SMIM29: variants seen among roughly 807,000 people sequenced by gnomAD.
SMIM29 encodes the protein uncharacterized protein C6orf1.
In SMIM29, 4 loss-of-function variants were observed where a neutral mutation model predicts 12.9. The ratio of observed to expected loss-of-function variants is 0.31; its 90% CI spans 0.15 to 0.71. SMIM29 has a LOEUF of 0.71. SMIM29 is among the 30% of genes least tolerant of loss of function. SMIM29 has a pLI of 0.70. For synonymous variants in SMIM29, 50 were observed against 52.0 expected (o/e 0.96, Z 0.17); for missense variants, 122 against 138.1 (o/e 0.88, Z 0.58).
intron 1 of SMIM29, 84 bp downstream of exon 1, chr6:34,248,895 C>A (rs1762908894): frequency 1.0e-6 from 1 of 985,510 alleles, no homozygotes; most frequent in East Asian, 1.1e-4. Flanking sequence ...GGCCGCCCCG[C>A]GCCCGAACAT....
rs1379910739 is a variant in SMIM29 at position 34,247,452 on chromosome 6, G to T, written c.137+15C>A. 1 of 1,576,312 alleles carries T rather than the reference G, an allele frequency of 6.3e-7. No homozygotes were observed. ...GGGTGTGGGGTTAGGGCGGGTGGGG[G>T]ACAGGGACACTCACCGCTTTTTCTT... On this transcript the variant is annotated intron_variant, in intron 3 of 4. Coordinates refer to ENST00000476320, the MANE Select transcript of SMIM29 (RefSeq NM_001008703.4).
At position 34,246,551 on chromosome 6, in the gene SMIM29, C is replaced by G; in HGVS notation, c.*252G>C. 1 of 1,578,762 alleles carries G rather than the reference C, an allele frequency of 6.3e-7. No individual in the cohort carries two copies. Among genetic ancestry groups the G allele is most frequent in the African/African-American group, 1.3e-5 (1 of 74,226 alleles). ...AAGGTGTCTACCAGCCGCCCCCATCCCAGAAGGAAAGCCTCTTCCCATGAG... is the reference window on the plus strand; with the variant it reads ...AAGGTGTCTACCAGCCGCCCCCATCGCAGAAGGAAAGCCTCTTCCCATGAG... On this transcript the variant is annotated 3_prime_UTR_variant, in exon 5 of 5. Coordinates refer to ENST00000476320, the MANE Select transcript of SMIM29 (RefSeq NM_001008703.4).
chr6:34,247,235 G>A (rs1226087968), intron 3 of SMIM29, 86 bp from the exon 4 acceptor site: 2 of 1,604,082 alleles, frequency 1.2e-6, no homozygotes, highest in Non-Finnish European at 1.7e-6. Context: ...CCTTTCCCAG[G>A]CAGGGGCAAT....
rs757362104 is a variant in SMIM29, at chr6:34,246,568, TC to T, written c.*234del. 3 of 1,600,224 alleles carry T rather than the reference TC, an allele frequency of 1.9e-6. No individual in the cohort carries two copies. The highest frequency in any genetic ancestry group is 2.6e-6 in the Non-Finnish European group (3 of 1,171,022). ...CCCCCATCCCAGAAGGAAAGCCTCTTCCCATGAGTGCCTGTGGGTGGGCGGT... is the reference window on the plus strand; with the variant it reads ...CCCCCATCCCAGAAGGAAAGCCTCTTCCATGAGTGCCTGTGGGTGGGCGGT... On this transcript the variant is annotated 3_prime_UTR_variant, in exon 5 of 5. Coordinates refer to ENST00000476320, the MANE Select transcript of SMIM29 (RefSeq NM_001008703.4).
chr6:34,246,992 CAG>C, intron 4 of SMIM29, 50 bp downstream of exon 4: 2 of 1,612,984 alleles, frequency 1.2e-6, no homozygotes, highest in South Asian at 2.2e-5. Context: ...TGGCTGGGAA[CAG>C]GGCTGACTCC....
rs2127551827 is a variant in SMIM29, at chr6:34,247,338, G to A, written c.137+129C>T. ...TCCCCAGTGAGTAACCTGAGGCTGG[G>A]GCAGGGAAAACAAATTTCAGGCTTG... On this transcript the variant is annotated intron_variant, in intron 3 of 4. Coordinates refer to ENST00000476320, the MANE Select transcript of SMIM29 (RefSeq NM_001008703.4). The A allele has an allele frequency of 2.0e-6, 3 of 1,527,526 alleles. No individual in the cohort carries two copies. In the East Asian group the frequency reaches 7.3e-5, roughly 37 times the overall value. The allele number at this position is 1,527,526 out of a possible 1,614,324, so 94.6% of individuals were successfully genotyped here.
rs1762756104 is a variant in SMIM29, at chr6:34,246,441, A to AT, written c.*361dup. The AT allele has an allele frequency of 6.9e-7, 1 of 1,459,580 alleles. No individual in the cohort carries two copies. Among genetic ancestry groups the AT allele is most frequent in the African/African-American group, 1.4e-5 (1 of 70,586 alleles). 90.4% of individuals were successfully genotyped at this position (1,459,580 alleles called of 1,614,324 possible). A position where few individuals can be genotyped will look rare whatever the true frequency, so the allele number is the denominator to read the frequency against. On this transcript the variant is annotated 3_prime_UTR_variant, in exon 5 of 5. Transcript: ENST00000476320. Reference sequence around the variant, plus strand: ...ACAAAATATATACTGAATACTATACATCTGGCCCCATCACCATGGAAACAA... The same window carrying AT: ...ACAAAATATATACTGAATACTATACATTCTGGCCCCATCACCATGGAAACAA...
Position 34,246,520 on chromosome 6 carries a change from A to G in SMIM29, c.*283T>C, listed in dbSNP as rs1211808086. 5.8e-6 allele frequency: 9 copies of G among 1,545,392 alleles called. No individual in the cohort carries two copies. The highest frequency in any genetic ancestry group is 2.7e-5 in the African/African-American group (2 of 72,994). On this transcript the variant is annotated 3_prime_UTR_variant, in exon 5 of 5. Coordinates refer to ENST00000476320, the MANE Select transcript of SMIM29 (RefSeq NM_001008703.4). ...CAAGCCCAGCCCAGGAGGGCTAGAG[A>G]AAGCAAAGGTGTCTACCAGCCGCCC...
Position 34,246,480 on chromosome 6 carries a change from C to T in SMIM29, c.*323G>A. The T allele has an allele frequency of 1.3e-6, 2 of 1,517,768 alleles. No homozygotes were observed. Among genetic ancestry groups the T allele is most frequent in the Non-Finnish European group, 1.8e-6 (2 of 1,134,470 alleles). The allele number at this position is 1,517,768 out of a possible 1,614,324, so 94.0% of individuals were successfully genotyped here. On this transcript the variant is annotated 3_prime_UTR_variant, in exon 5 of 5. Coordinates refer to ENST00000476320, the MANE Select transcript of SMIM29 (RefSeq NM_001008703.4). ...CCATGGAAACAACTCCAAAGCCTGC[C>T]TGGGGATTTGTGCCCAAGCCCAGCC...
chr6:34,247,991 G>C, intron 1 of SMIM29, 127 bp from the exon 2 acceptor site: 1 of 1,228,632 alleles, frequency 8.1e-7, no homozygotes. Context: ...GATCCTCCAG[G>C]TAGATGTACT....
intron 1 of SMIM29, chr6:34,248,086 C>G (rs1762876904): frequency 2.0e-6 from 2 of 985,344 alleles, no homozygotes; most frequent in African/African-American, 3.5e-5. Flanking sequence ...GAGTCTTGCC[C>G]AACTCCTATC....
Position 34,246,865 on chromosome 6 carries a change from C to A in SMIM29, c.247G>T (p.Val83Leu). 1 of 1,607,262 alleles carries A rather than the reference C, an allele frequency of 6.2e-7. No homozygotes were observed. Among genetic ancestry groups the A allele is most frequent in the Non-Finnish European group, 8.5e-7 (1 of 1,175,936 alleles). ...TGGTAGCCACTCTGCCAGCCATGTACCACCTGTCGGGGAGGAGACCACACC... is the reference window on the plus strand; with the variant it reads ...TGGTAGCCACTCTGCCAGCCATGTAACACCTGTCGGGGAGGAGACCACACC... ...LLSDMGDPKV[V>L]HGWQSGYQHK... The change falls in exon 5 of 5, where the codon GTA (valine) becomes TTA (leucine). Residue 83 changes from valine to leucine, a missense_variant. Physicochemically the swap from Val to Leu is conservative, Grantham distance 32. Transcript: ENST00000476320.
Position 34,247,467 on chromosome 6 carries a change from C to T in SMIM29, c.137G>A (p.Arg46Gln), listed in dbSNP as rs1762846886. The T allele has an allele frequency of 1.9e-6, 3 of 1,578,832 alleles. No individual in the cohort carries two copies. Among genetic ancestry groups the T allele is most frequent in the African/African-American group, 1.3e-5 (1 of 74,750 alleles). Residue 46 changes from arginine (R) to glutamine (Q), a missense_variant and splice_region_variant, in exon 3 of 5, where the codon CGG becomes CAG. Physicochemically the swap from Arg to Gln is conservative, Grantham distance 43. Transcript: ENST00000476320. ...GCGGGTGGGGGACAGGGACACTCAC[C>T]GCTTTTTCTTCTGTACATACATTAC... Reference protein sequence around the residue: ...AVVMYVQKKKRVDRLRHHLLP... With the variant: ...AVVMYVQKKKQVDRLRHHLLP...
At chr6:34,248,012 C>T in intron 1 of SMIM29, 148 bp from the exon 2 acceptor site, 1 of 1,223,292 alleles carries the variant, frequency 8.2e-7, no homozygotes, top group East Asian at 3.2e-5. Flanking sequence ...GGGTGTGACC[C>T]TCCAGTGAGT....
chr6:34,246,431 A>G lies in SMIM29; in HGVS notation c.*372T>C. 1.4e-6 allele frequency: 2 copies of G among 1,405,358 alleles called. No individual in the cohort carries two copies. Among genetic ancestry groups the G allele is most frequent in the South Asian group, 2.9e-5 (2 of 68,232 alleles). The allele number at this position is 1,405,358 out of a possible 1,614,324, so 87.1% of individuals were successfully genotyped here. Reference sequence around the variant, plus strand: ...CATTTTATTTACAAAATATATACTGAATACTATACATCTGGCCCCATCACC... The same window carrying G: ...CATTTTATTTACAAAATATATACTGGATACTATACATCTGGCCCCATCACC... On this transcript the variant is annotated 3_prime_UTR_variant, in exon 5 of 5. Coordinates refer to ENST00000476320, the MANE Select transcript of SMIM29 (RefSeq NM_001008703.4).
chr6:34,246,851 C>T lies in SMIM29; in HGVS notation c.261G>A (p.Gln87=). 6.2e-7 allele frequency: 1 copy of T among 1,610,082 alleles called. No individual in the cohort carries two copies. Among genetic ancestry groups the T allele is most frequent in the South Asian group, 1.1e-5 (1 of 90,982 alleles). Residue 87 remains glutamine (Q), a synonymous_variant, in exon 5 of 5, where the codon CAG becomes CAA. Transcript: ENST00000476320. The part of the protein sequence containing the change: ...MGDPKVVHGW[Q]SGYQHKRMPL... ...GCATCCGCTTGTGCTGGTAGCCACT[C>T]TGCCAGCCATGTACCACCTGTCGGG...
intron 1 of SMIM29, chr6:34,248,412 C>T (rs1352098381): frequency 3.0e-6 from 3 of 985,336 alleles, no homozygotes; most frequent in African/African-American, 1.7e-5. Flanking sequence ...CCCAAACACC[C>T]TCTCCCCCAT....
chr6:34,246,849 C>CA lies in SMIM29; in HGVS notation c.262_263insT (p.Ser88MetfsTer18). On this transcript the variant is annotated frameshift_variant, in exon 5 of 5. Coordinates refer to ENST00000476320, the MANE Select transcript of SMIM29 (RefSeq NM_001008703.4). LOFTEE classifies it high-confidence loss of function. ...TGGCATCCGCTTGTGCTGGTAGCCA[C>CA]TCTGCCAGCCATGTACCACCTGTCG... 6.2e-7 allele frequency: 1 copy of CA among 1,610,374 alleles called. No homozygotes were observed. The highest frequency in any genetic ancestry group is 8.5e-7 in the Non-Finnish European group (1 of 1,178,132).
Position 34,247,714 on chromosome 6 carries a change from G to A in SMIM29, c.78C>T (p.Phe26=), listed in dbSNP as rs2127552146. ...CCACCACCCCGACCAGGGTGATGAG[G>A]AAGAAGGGCCCCAACACATAGCCCA... ...SMVGYVLGPF[F]LITLVGVVVA... Residue 26 remains phenylalanine, a synonymous_variant, in exon 2 of 5, where the codon TTC becomes TTT. Transcript: ENST00000476320. 1.4e-6 allele frequency: 2 copies of A among 1,397,452 alleles called. No individual in the cohort carries two copies. Among genetic ancestry groups the A allele is most frequent in the East Asian group, 2.7e-5 (1 of 37,608 alleles). The allele number at this position is 1,397,452 out of a possible 1,614,324, so 86.6% of individuals were successfully genotyped here.
Sources: allele counts gnomAD v4.1 joint callset, GRCh38; gene constraint gnomAD v4.1.1; transcripts MANE v1.5; gene names NCBI Gene and HGNC (gene_info 2026-07-23, HGNC 2026-07-21).